FARP1: variants seen among roughly 807,000 people sequenced by gnomAD.
FARP1 encodes FERM, ARH/RhoGEF and pleckstrin domain protein 1, also known as FERM, ARHGEF and pleckstrin domain-containing protein 1.
FARP1 carries 52 observed loss-of-function variants against 128.8 expected under a neutral mutation model. The observed-to-expected ratio is 0.40, with a 90% confidence interval of 0.32 to 0.51. The LOEUF (loss-of-function observed/expected upper bound fraction) is 0.51, where lower values mean the gene tolerates loss of function less well. Among genes scored for constraint, FARP1 ranks in the 20% least tolerant of loss-of-function variants. The probability of loss-of-function intolerance (pLI) is 0.45; values close to 1 mark genes in which losing one functional copy is unlikely to be tolerated. For synonymous variants in FARP1, 580 were observed against 551.8 expected (o/e 1.05, Z -0.72); for missense variants, 1,333 against 1,367.9 (o/e 0.97, Z 0.40).
At position 98,436,106 on chromosome 13, in the gene FARP1, G is replaced by A. The variant is rs1426977059; in HGVS notation, c.2274+400G>A. On this transcript the variant is annotated intron_variant, in intron 19 of 26. Coordinates refer to ENST00000319562, the MANE Select transcript of FARP1 (RefSeq NM_005766.4). The stretch of plus-strand genomic sequence containing the variant: ...ATTAAATTATGCTAGAAATTCCCAT[G>A]CAGGTATGAAGTGTTTTTTTAAAAT... 5 of 268,694 alleles carry A rather than the reference G, an allele frequency of 1.9e-5. No homozygotes were observed. In the Admixed American group the frequency reaches 2.5e-4, roughly 13 times the overall value. The allele number at this position is 268,694 out of a possible 1,614,324, so 16.6% of individuals were successfully genotyped here.
chr13:98,439,062 C>T (rs1046058606), intron 20 of FARP1, 45 bp from the exon 21 acceptor site: 12 of 1,519,836 alleles, frequency 7.9e-6, no homozygotes, highest in Non-Finnish European at 1.1e-5. Flanking sequence ...GGGAAGCCTG[C>T]TGTCCAAACG....
chr13:98,349,297 G>A (rs1487951427), intron 3 of FARP1, among the ~76,000 whole-genome samples: 1 of 152,200 alleles, frequency 6.6e-6, no homozygotes, highest in Non-Finnish European at 1.5e-5. Context: ...ATGGCACATA[G>A]TAGGCACTCA....
At chr13:98,245,380 A>G in intron 2 of FARP1, 1 of 983,992 alleles carries the variant, frequency 1.0e-6, no homozygotes, top group Non-Finnish European at 1.2e-6. Context: ...TTTAATGAGA[A>G]AACAGATTTT....
At chr13:98,155,762 A>G (rs1247383168) in intron 1 of FARP1, among the ~76,000 whole-genome samples, 2 of 152,216 alleles carry the variant, frequency 1.3e-5, no homozygotes, top group East Asian at 3.9e-4. Flanking sequence ...TCAAGTGGTC[A>G]TCTGCTTCGG....
At chr13:98,399,796 T>C (rs1474014935) in intron 13 of FARP1, 1 of 152,236 alleles carries the variant, frequency 6.6e-6, no homozygotes, top group Non-Finnish European at 1.5e-5. Flanking sequence ...TGTGCTAATA[T>C]CTTTTGTTGG....
chr13:98,231,874 C>T (rs1341877322), intron 2 of FARP1, among the ~76,000 whole-genome samples: 2 of 152,060 alleles, frequency 1.3e-5, no homozygotes, highest in East Asian at 1.9e-4. Flanking sequence ...GTGGCCCAGG[C>T]TTGAGTGCAA....
chr13:98,370,576 G>C lies in FARP1; in HGVS notation c.398+2381G>C, dbSNP rs147845347. 1.1e-4 allele frequency among the ~76,000 whole-genome samples: 15 copies of C among 137,148 alleles called. No individual in the cohort carries two copies. In the East Asian group the frequency reaches 3.2e-3, roughly 30 times the overall value. The allele number at this position is 137,148 out of a possible 152,430, so 90.0% of individuals were successfully genotyped here. ...ACTTAGATTTTTGGCTTGAGTGACT[G>C]GGGGGGAGATGGTGTTGGGGGTTAC... On this transcript the variant is annotated intron_variant, in intron 5 of 26. Transcript: ENST00000319562.
chr13:98,334,150 C>G (rs1363532753), intron 2 of FARP1: 1 of 152,152 alleles, frequency 6.6e-6, no homozygotes, highest in East Asian at 1.9e-4. Context: ...GTGAGTGTGA[C>G]TTTGGGCACT....
chr13:98,259,948 T>G (rs2139531460), intron 2 of FARP1, among the ~76,000 whole-genome samples: 1 of 144,912 alleles, frequency 6.9e-6, no homozygotes, highest in Admixed American at 7.1e-5. Flanking sequence ...GCAGTTACCC[T>G]CTGAGCCTCA....
intron 1 of FARP1, among the ~76,000 whole-genome samples, chr13:98,208,012 G>A (rs569696611): frequency 1.4e-5 from 2 of 142,188 alleles, no homozygotes; most frequent in African/African-American, 5.3e-5. Context: ...CTTCCACTTC[G>A]GTGAAGGGCA....
chr13:98,207,969 C>CACACACACACA, intron 1 of FARP1, among the ~76,000 whole-genome samples: 1 of 145,086 alleles, frequency 6.9e-6, no homozygotes, highest in Non-Finnish European at 1.5e-5. Flanking sequence ...CACACACACA[C>CACACACACACA]TTTGATTCAT....
intron 25 of FARP1, 21 bp downstream of exon 25, chr13:98,446,226 A>G (rs1329019611): frequency 1.3e-6 from 2 of 1,534,754 alleles, no homozygotes; most frequent in Non-Finnish European, 1.8e-6. Context: ...CGCACAGGGC[A>G]GGTGGCCCTG....
intron 1 of FARP1, among the ~76,000 whole-genome samples, chr13:98,198,643 G>A (rs1350382300): frequency 6.6e-6 from 1 of 151,978 alleles, no homozygotes; most frequent in Non-Finnish European, 1.5e-5. Flanking sequence ...TTGGAAGGCT[G>A]AGGAGGGCGG....
At chr13:98,178,465 G>T (rs1314428978) in intron 1 of FARP1, among the ~76,000 whole-genome samples, 2 of 152,230 alleles carry the variant, frequency 1.3e-5, no homozygotes, top group Admixed American at 1.3e-4. Context: ...TAAAATGTTG[G>T]TATTACAGGC....
In FARP1 at chr13:98,448,584, C is replaced by A; in HGVS notation, c.*267C>A. 1 of 421,470 alleles carries A rather than the reference C, an allele frequency of 2.4e-6. No homozygotes were observed. Among genetic ancestry groups the A allele is most frequent in the Non-Finnish European group, 4.3e-6 (1 of 233,796 alleles). 26.1% of individuals were successfully genotyped at this position (421,470 alleles called of 1,614,324 possible). A position where few individuals can be genotyped will look rare whatever the true frequency, so the allele number is the denominator to read the frequency against. ...TAAAACATTGTCATTACGAGAGTGCCAAATGACATCTTCCCTCCACCCTGC... is the reference window on the plus strand; with the variant it reads ...TAAAACATTGTCATTACGAGAGTGCAAAATGACATCTTCCCTCCACCCTGC... On this transcript the variant is annotated 3_prime_UTR_variant, in exon 27 of 27. Transcript: ENST00000319562.
intron 2 of FARP1, among the ~76,000 whole-genome samples, chr13:98,237,429 T>C (rs1325004865): frequency 6.6e-6 from 1 of 152,194 alleles, no homozygotes; most frequent in Middle Eastern, 3.2e-3. Flanking sequence ...CATGACTGCA[T>C]GAAATTAACT....
At chr13:98,308,029 CTCTCTT>C (rs1886254237) in intron 2 of FARP1, among the ~76,000 whole-genome samples, 1 of 114,930 alleles carries the variant, frequency 8.7e-6, no homozygotes, top group African/African-American at 3.7e-5. Flanking sequence ...CCCCCACTCT[CTCTCTT>C]TTTTTTTTTT....
chr13:98,194,491 G>GCTCC, intron 1 of FARP1, among the ~76,000 whole-genome samples: 1 of 152,350 alleles, frequency 6.6e-6, no homozygotes, highest in Non-Finnish European at 1.5e-5. Context: ...GGAACGCTAA[G>GCTCC]CATGTGGAAG....
intron 1 of FARP1, among the ~76,000 whole-genome samples, chr13:98,193,814 T>C (rs977217731): frequency 3.9e-5 from 6 of 152,328 alleles, no homozygotes; most frequent in Middle Eastern, 3.4e-3. Context: ...AAGGAGATGA[T>C]TGTGGCCTGA....
Sources: allele counts gnomAD v4.1 joint callset (sites outside exome capture counted in the v4.1 genomes callset), GRCh38; gene constraint gnomAD v4.1.1; transcripts MANE v1.5; gene names NCBI Gene and HGNC (gene_info 2026-07-23, HGNC 2026-07-21).